C2CD3: variants seen among roughly 807,000 people sequenced by gnomAD.
C2CD3 encodes C2 domain-containing protein 3.
A neutral mutation model predicts 234.0 loss-of-function variants in C2CD3; 148 were observed. The ratio of observed to expected loss-of-function variants is 0.63; its 90% confidence interval spans 0.55 to 0.72. The LOEUF (loss-of-function observed/expected upper bound fraction) is 0.72, where lower values mean the gene tolerates loss of function less well. Among genes scored for constraint, C2CD3 ranks in the 30% least tolerant of loss-of-function variants. C2CD3 has a pLI of 0.00. For synonymous variants in C2CD3, 1,000 were observed against 1,035.4 expected, an observed-to-expected ratio of 0.97 and a Z score of 0.66; for missense variants, 2,577 against 2,811.5, an observed-to-expected ratio of 0.92 and a Z score of 1.89.
intron 26 of C2CD3, 66 bp downstream of exon 26, chr11:74,054,541 A>C: frequency 7.2e-6 from 4 of 557,026 alleles, no homozygotes; most frequent in Non-Finnish European, 1.3e-5. Flanking sequence ...AAGGAATGGT[A>C]GATTGTTAAC....
chr11:74,140,330 A>G (rs1321122706), intron 3 of C2CD3, among the ~76,000 whole-genome samples: 3 of 152,144 alleles, frequency 2.0e-5, no homozygotes, highest in Admixed American at 2.0e-4. Context: ...ATGCCTTTGT[A>G]TATACAATTT....
In C2CD3 at chr11:74,163,482, C is replaced by T. The variant is rs79137043; in HGVS notation, c.326-1926G>A. The stretch of plus-strand genomic sequence containing the variant: ...AATCCCCATGTGTCATGGGAAGGAC[C>T]GGGGGAGATAACTGAATCACAAGTG... On this transcript the variant is annotated intron_variant, in intron 2 of 32. Coordinates refer to ENST00000334126, the MANE Select transcript of C2CD3 (RefSeq NM_001286577.2). 6.2e-4 allele frequency among the ~76,000 whole-genome samples: 95 copies of T among 152,248 alleles called. 1 individual carries two copies. The East Asian group carries it at 9.8e-3, about 16-fold the overall frequency.
chr11:74,114,970 G>A (rs1382689256), intron 9 of C2CD3, among the ~76,000 whole-genome samples: 1 of 151,912 alleles, frequency 6.6e-6, no homozygotes, highest in Non-Finnish European at 1.5e-5. Context: ...CCAAAGTGCT[G>A]GGATTACAGG....
Position 74,109,301 on chromosome 11 carries a change from G to C in C2CD3, c.1844-149C>G, listed in dbSNP as rs1305373893. 4 of 570,594 alleles carry C rather than the reference G, an allele frequency of 7.0e-6. No individual in the cohort carries two copies. The East Asian group carries it at 9.3e-5, about 13-fold the overall frequency. 35.3% of individuals were successfully genotyped at this position (570,594 alleles called of 1,614,324 possible). A position where few individuals can be genotyped will look rare whatever the true frequency, so the allele number is the denominator to read the frequency against. ...AGTGTGCTTTCACAGAAAGTGCTAG[G>C]GTTGTAGGATTGAATGAGCAGGGAC... On this transcript the variant is annotated intron_variant, in intron 11 of 32. Transcript: ENST00000334126.
At chr11:74,161,828 T>C (rs1856493314) in intron 2 of C2CD3, among the ~76,000 whole-genome samples, 1 of 150,068 alleles carries the variant, frequency 6.7e-6, no homozygotes, top group East Asian at 1.9e-4. Context: ...TTTTTTTTTT[T>C]TTTTTTCTTG....
At chr11:74,119,423 G>A (rs371471331) in intron 8 of C2CD3, among the ~76,000 whole-genome samples, 2 of 152,138 alleles carry the variant, frequency 1.3e-5, no homozygotes, top group East Asian at 3.9e-4. Flanking sequence ...AGAGAAGATG[G>A]CATTATAGTT....
chr11:74,104,048 T>C (rs1364230459), intron 13 of C2CD3, among the ~76,000 whole-genome samples: 1 of 152,196 alleles, frequency 6.6e-6, no homozygotes, highest in Non-Finnish European at 1.5e-5. Flanking sequence ...AAGAAACAGC[T>C]TCTCTATATA....
At position 74,085,658 on chromosome 11, in the gene C2CD3, T is replaced by C. The variant is rs762575054; in HGVS notation, c.3870A>G (p.Ala1290=). ...ACFLAELLEF[A]EVIFAVYHEN... is the part of the protein sequence containing the mutation. ...CATGATAGACAGCAAAAATAACTTC[T>C]GCAAACTCCAACAACTCTGCTAGGA... The change falls in exon 21 of 33, where the codon GCA becomes GCG. Residue 1290 remains alanine, a synonymous_variant. Transcript: ENST00000334126. 1.2e-6 allele frequency: 2 copies of C among 1,614,202 alleles called. No homozygotes were observed. Among genetic ancestry groups the C allele is most frequent in the Non-Finnish European group, 1.7e-6 (2 of 1,180,030 alleles).
intron 26 of C2CD3, 116 bp from the exon 27 acceptor site, chr11:74,049,658 C>T: frequency 2.7e-6 from 2 of 745,406 alleles, no homozygotes; most frequent in South Asian, 1.8e-5. Context: ...GATCCCAAAG[C>T]CATCAGAGAA....
chr11:74,067,796 T>C (rs553769385), intron 24 of C2CD3, among the ~76,000 whole-genome samples: 2 of 152,284 alleles, frequency 1.3e-5, no homozygotes, highest in African/African-American at 4.8e-5. Context: ...ATTGGAAGCA[T>C]TAAAAGCTAC....
intron 7 of C2CD3, among the ~76,000 whole-genome samples, chr11:74,126,635 T>A (rs1456027593): frequency 5.3e-5 from 8 of 152,102 alleles, no homozygotes; most frequent in African/African-American, 1.7e-4. Flanking sequence ...TCCCAGCTAC[T>A]CGGGAAGCTG....
In C2CD3 at chr11:74,118,318, AT is replaced by A. The variant is rs1406007301; in HGVS notation, c.1429del (p.Ile477Ter). 1 of 1,612,972 alleles carries A rather than the reference AT, an allele frequency of 6.2e-7. No individual in the cohort carries two copies. Reference protein sequence around the residue: ...EEDDIVPSKKISQSTALARSS... With the variant: ...EEDDIVPSKKXSQSTALARSS... Reference sequence around the variant, plus strand: ...TCTGGCAAGAGCTGTTGACTGGCTTATTTTTTTAGAAGGGACGATATCATCC... The same window carrying A: ...TCTGGCAAGAGCTGTTGACTGGCTTATTTTTTAGAAGGGACGATATCATCC... On this transcript the variant is annotated frameshift_variant, in exon 9 of 33. Coordinates refer to ENST00000334126, the MANE Select transcript of C2CD3 (RefSeq NM_001286577.2). LOFTEE classifies it high-confidence loss of function.
intron 29 of C2CD3, among the ~76,000 whole-genome samples, chr11:74,039,012 G>A (rs1250435886): frequency 1.3e-5 from 2 of 152,164 alleles, no homozygotes; most frequent in Non-Finnish European, 2.9e-5. Context: ...AAATCCAAAT[G>A]AGAGGACAAA....
At chr11:74,023,818 C>A (rs1300518049) in intron 32 of C2CD3, among the ~76,000 whole-genome samples, 1 of 152,190 alleles carries the variant, frequency 6.6e-6, no homozygotes. Flanking sequence ...TTTCTCTGCT[C>A]CATATTCACA....
intron 24 of C2CD3, among the ~76,000 whole-genome samples, chr11:74,066,654 CT>C (rs5792643): frequency 1.1e-4 from 17 of 148,556 alleles, no homozygotes; most frequent in Non-Finnish European, 2.1e-4. Context: ...TAGACCAATT[CT>C]TTTTTTTTTT....
At chr11:74,115,185 T>C (rs1052259966) in intron 9 of C2CD3, among the ~76,000 whole-genome samples, 5 of 151,562 alleles carry the variant, frequency 3.3e-5, no homozygotes, top group African/African-American at 9.7e-5. Flanking sequence ...AAATACTATA[T>C]AGATATATAC....
Position 74,133,518 on chromosome 11 carries a change from A to AC in C2CD3, c.994dup (p.Val332GlyfsTer23), listed in dbSNP as rs750700691. 1.2e-6 allele frequency: 2 copies of AC among 1,614,126 alleles called. No homozygotes were observed. Among genetic ancestry groups the AC allele is most frequent in the Admixed American group, 3.3e-5 (2 of 60,010 alleles). On this transcript the variant is annotated frameshift_variant, in exon 6 of 33. Transcript: ENST00000334126. LOFTEE classifies it high-confidence loss of function. The stretch of plus-strand genomic sequence containing the variant: ...TGGGCTTGATTTCATTGCAGAAATC[A>AC]CCATGGCATTACGCAGTTTATTGCC...
chr11:74,022,616 C>T (rs138368309), intron 32 of C2CD3, among the ~76,000 whole-genome samples: 115 of 151,928 alleles, frequency 7.6e-4, no homozygotes, highest in African/African-American at 2.5e-3. Flanking sequence ...AAATTACTGC[C>T]GTTCTCATCG....
chr11:74,122,900 TA>T, intron 8 of C2CD3, 87 bp downstream of exon 8: 1 of 667,554 alleles, frequency 1.5e-6, no homozygotes, highest in Non-Finnish European at 2.2e-6. Context: ...GTAAGTTATG[TA>T]AAATGCATAG....
Sources: allele counts gnomAD v4.1 joint callset (sites outside exome capture counted in the v4.1 genomes callset), GRCh38; gene constraint gnomAD v4.1.1; transcripts MANE v1.5; gene names NCBI Gene and HGNC (gene_info 2026-07-23, HGNC 2026-07-21).